Variants in BATF3 observed in about 807,000 individuals in gnomAD.
BATF3 encodes the protein basic leucine zipper ATF-like transcription factor 3, also known as basic leucine zipper transcriptional factor ATF-like 3.
Under a neutral mutation model 16.1 loss-of-function variants are expected in BATF3, and 8 were observed. The observed-to-expected ratio is 0.50, with a 90% CI of 0.29 to 0.90. BATF3 has a LOEUF of 0.90. Among genes scored for constraint, BATF3 ranks in the 40% least tolerant of loss-of-function variants. The pLI is 0.08. For missense variants in BATF3, 139 were observed against 167.0 expected (o/e 0.83, Z 0.92); for synonymous variants, 74 against 72.7 (o/e 1.02, Z -0.09).
chr1:212,693,988 G>A (rs1261683577), intron 2 of BATF3, among the ~76,000 whole-genome samples: 1 of 152,184 alleles, frequency 6.6e-6, no homozygotes, highest in Non-Finnish European at 1.5e-5. Context: ...AGACTATCCT[G>A]GATTATCCAG....
intron 2 of BATF3, among the ~76,000 whole-genome samples, chr1:212,691,615 C>G (rs1428123201): frequency 6.6e-6 from 1 of 152,264 alleles, no homozygotes; most frequent in Non-Finnish European, 1.5e-5. Flanking sequence ...TGCCATGAAG[C>G]TCTCAGAACA....
At position 212,691,610 on chromosome 1, in the gene BATF3, T is replaced by A. The variant is rs116374906; in HGVS notation, c.196-4631A>T. ...TTTCTAAGCCACATGGGTGCTGCCA[T>A]GAAGCTCTCAGAACATGCAATATCT... On this transcript the variant is annotated intron_variant, in intron 2 of 2. Coordinates refer to ENST00000243440, the MANE Select transcript of BATF3 (RefSeq NM_018664.3). 4.4e-3 allele frequency among the ~76,000 whole-genome samples: 663 copies of A among 152,356 alleles called. 6 individuals carry two copies. The highest frequency in any genetic ancestry group is 0.014 in the Middle Eastern group (4 of 294).
At chr1:212,696,804 G>A (rs2233926) in intron 2 of BATF3, among the ~76,000 whole-genome samples, 157 bp downstream of exon 2, 4,492 of 152,248 alleles carry the variant, frequency 0.03, 83 homozygotes, top group South Asian at 0.067. Flanking sequence ...GAACACGTCC[G>A]TGAGCAAACA....
At chr1:212,690,538 C>T (rs1571833457) in intron 2 of BATF3, among the ~76,000 whole-genome samples, 1 of 152,250 alleles carries the variant, frequency 6.6e-6, no homozygotes, top group East Asian at 1.9e-4. Flanking sequence ...TTGAAAATAA[C>T]AAGAGGAGCT....
In BATF3 at chr1:212,686,967, G is replaced by A. The variant is rs1656863803; in HGVS notation, c.208C>T (p.Leu70=). Residue 70 remains leucine (L), a synonymous_variant, in exon 3 of 3, where the codon CTG becomes TTG. Transcript: ENST00000243440. ...CGCAGCATGGTGTTTTCTTGCTCCA[G>A]GCTCTCATATTCCTGGGGGAGACAG... ...ADKLHEEYES[L]EQENTMLRRE... is the part of the protein sequence containing the mutation. 1.2e-6 allele frequency: 2 copies of A among 1,600,250 alleles called. No homozygotes were observed. Among genetic ancestry groups the A allele is most frequent in the East Asian group, 4.5e-5 (2 of 44,808 alleles).
At position 212,699,753 on chromosome 1, in the gene BATF3, CT is replaced by C; in HGVS notation, c.9del (p.Leu5SerfsTer80). On this transcript the variant is annotated frameshift_variant, in exon 1 of 3. Transcript: ENST00000243440. LOFTEE classifies it high-confidence loss of function. This position sits in a 1 kb window ranked among gnomAD's most constrained non-coding sequence, Gnocchi z 4.4. Reference protein sequence around the residue: MSQGLPAAGSVLQ... With the variant: MSXGLPAAGSVLQ... ...AGGACGCTGCCGGCGGCCGGGAGCC[CT>C]TGCGACATGCCGGGCGCTCCTCTGG... 7.8e-7 allele frequency: 1 copy of C among 1,285,104 alleles called. No individual in the cohort carries two copies. Among genetic ancestry groups the C allele is most frequent in the South Asian group, 2.4e-5 (1 of 42,302 alleles). The allele number at this position is 1,285,104 out of a possible 1,614,324, so 79.6% of individuals were successfully genotyped here. A position where few individuals can be genotyped will look rare whatever the true frequency, so the allele number is the denominator to read the frequency against.
chr1:212,697,829 T>C (rs1185998086), intron 1 of BATF3: 1 of 152,116 alleles, frequency 6.6e-6, no homozygotes, highest in African/African-American at 2.4e-5. Context: ...TTCAATCAGC[T>C]ATAGAAAACA....
chr1:212,695,517 AC>A (rs1176076913), intron 2 of BATF3, among the ~76,000 whole-genome samples: 31 of 111,642 alleles, frequency 2.8e-4, no homozygotes, highest in Non-Finnish European at 3.9e-4. Flanking sequence ...AAAAAAAAAA[AC>A]CTACAAAAAT....
In BATF3 at chr1:212,686,980, C is replaced by CT. The variant is rs752331918; in HGVS notation, c.196-2dup. 1 of 1,582,102 alleles carries CT rather than the reference C, an allele frequency of 6.3e-7. No individual in the cohort carries two copies. The highest frequency in any genetic ancestry group is 8.7e-7 in the Non-Finnish European group (1 of 1,150,932). ...TTTCTTGCTCCAGGCTCTCATATTC[C>CT]TGGGGGAGACAGAATGGGCAAAATC... is the stretch of plus-strand genomic sequence containing the variant. On this transcript the variant is annotated splice_acceptor_variant, in intron 2 of 2. Coordinates refer to ENST00000243440, the MANE Select transcript of BATF3 (RefSeq NM_018664.3). LOFTEE classifies it high-confidence loss of function.
rs1656859239 is a variant in BATF3 at position 212,686,781 on chromosome 1, G to A, written c.*10C>T. The A allele has an allele frequency of 6.2e-7, 1 of 1,608,092 alleles. No homozygotes were observed. Among genetic ancestry groups the A allele is most frequent in the African/African-American group, 1.3e-5 (1 of 74,848 alleles). On this transcript the variant is annotated 3_prime_UTR_variant, in exon 3 of 3. Coordinates refer to ENST00000243440, the MANE Select transcript of BATF3 (RefSeq NM_018664.3). ...AAGGCTCCTTGCTGGGCAGAGGAGT[G>A]TCCCCGGCTTCATCGGGGCAAGCAG... is the stretch of plus-strand genomic sequence containing the variant.
Position 212,689,935 on chromosome 1 carries a change from ACAAT to A in BATF3, c.196-2960_196-2957del, listed in dbSNP as rs1296020958. 6.6e-6 allele frequency among the ~76,000 whole-genome samples: 1 copy of A among 150,648 alleles called. No homozygotes were observed. Among genetic ancestry groups the A allele is most frequent in the African/African-American group, 2.5e-5 (1 of 40,324 alleles). On this transcript the variant is annotated intron_variant, in intron 2 of 2. Transcript: ENST00000243440. The surrounding 1 kb of genome is among the most constrained non-coding windows in gnomAD (Gnocchi z 4.6). ...GCCACAGACACTCTCACACACATAC[ACAAT>A]CAACACACAGTCACACAAACACTCT...
chr1:212,694,299 G>A (rs1246039627), intron 2 of BATF3, among the ~76,000 whole-genome samples: 2 of 152,198 alleles, frequency 1.3e-5, no homozygotes, highest in Non-Finnish European at 2.9e-5. Context: ...TAGTAAATTT[G>A]TGTTGTTTTA....
intron 2 of BATF3, among the ~76,000 whole-genome samples, chr1:212,692,243 T>C (rs1657016947): frequency 6.6e-6 from 1 of 152,118 alleles, no homozygotes. Context: ...TCTCAGGGTG[T>C]TGGAGGCAAC....
In BATF3 at chr1:212,686,903, AGGT is replaced by A; in HGVS notation, c.269_271del (p.His90del). Reference sequence around the variant, plus strand: ...CTCGTGCTCCTTCAGTGCCTCTGTCAGGTGCTTCAGCTCCTCTGTCAGCTTCCC... The same window carrying A: ...CTCGTGCTCCTTCAGTGCCTCTGTCAGCTTCAGCTCCTCTGTCAGCTTCCC... On this transcript the variant is annotated inframe_deletion, in exon 3 of 3. Coordinates refer to ENST00000243440, the MANE Select transcript of BATF3 (RefSeq NM_018664.3). 6.2e-7 allele frequency: 1 copy of A among 1,614,206 alleles called. No homozygotes were observed. The highest frequency in any genetic ancestry group is 8.5e-7 in the Non-Finnish European group (1 of 1,180,030).
At chr1:212,692,634 C>T (rs992483647) in intron 2 of BATF3, among the ~76,000 whole-genome samples, 2 of 152,102 alleles carry the variant, frequency 1.3e-5, no homozygotes, top group Non-Finnish European at 2.9e-5. Flanking sequence ...GATGGGGTTT[C>T]GCCATGTTGG....
chr1:212,688,606 A>G (rs1656920270), intron 2 of BATF3, among the ~76,000 whole-genome samples: 1 of 152,218 alleles, frequency 6.6e-6, no homozygotes. Context: ...GCATCGTCTC[A>G]TGAATGGTGA....
Position 212,699,700 on chromosome 1 carries a change from G to C in BATF3, c.63C>G (p.Asn21Lys), listed in dbSNP as rs1429224460. The part of the protein sequence containing the change: ...VLQRSVAAPG[N>K]QPQPQPQQQS... ...GCTGCTGCGGCTGCGGCTGCGGCTG[G>C]TTCCCGGGCGCCGCGACGCTCCTCT... Residue 21 changes from asparagine to lysine, a missense_variant, in exon 1 of 3, where the codon AAC (asparagine) becomes AAG (lysine). Transcript: ENST00000243440. The surrounding 1 kb of genome is among the most constrained non-coding windows in gnomAD (Gnocchi z 4.4). 1 of 1,349,202 alleles carries C rather than the reference G, an allele frequency of 7.4e-7. No homozygotes were observed. The highest frequency in any genetic ancestry group is 1.5e-5 in the African/African-American group (1 of 65,972). The allele number at this position is 1,349,202 out of a possible 1,614,324, so 83.6% of individuals were successfully genotyped here. A position where few individuals can be genotyped will look rare whatever the true frequency, so the allele number is the denominator to read the frequency against.
At chr1:212,690,786 C>T (rs369226687) in intron 2 of BATF3, among the ~76,000 whole-genome samples, 72 of 152,254 alleles carry the variant, frequency 4.7e-4, no homozygotes, top group African/African-American at 1.3e-3. Context: ...GGGTATTTGT[C>T]GGGACAGTTT....
At chr1:212,691,693 T>C (rs1343861359) in intron 2 of BATF3, among the ~76,000 whole-genome samples, 1 of 152,264 alleles carries the variant, frequency 6.6e-6, no homozygotes, top group Non-Finnish European at 1.5e-5. Flanking sequence ...TGTCAGTTTG[T>C]GACATTTGGG....
Sources: allele counts gnomAD v4.1 joint callset (sites outside exome capture counted in the v4.1 genomes callset), GRCh38; gene constraint gnomAD v4.1.1; non-coding constraint Gnocchi (gnomAD v3.1); transcripts MANE v1.5; gene names NCBI Gene and HGNC (gene_info 2026-07-23, HGNC 2026-07-21).